The following AFDN variants were observed in gnomAD, a reference collection of about 807,000 sequenced individuals.
AFDN encodes afadin, adherens junction formation factor, also known as afadin.
A neutral mutation model predicts 216.6 loss-of-function variants in AFDN; 68 were observed. That is an observed-to-expected ratio of 0.31 (90% confidence interval 0.26 to 0.38). The LOEUF (loss-of-function observed/expected upper bound fraction) is 0.38. Among genes scored for constraint, AFDN ranks in the 10% least tolerant of loss-of-function variants. AFDN has a pLI of 1.00. For synonymous variants in AFDN, 868 were observed against 853.7 expected (o/e 1.02, Z -0.29); for missense variants, 2,136 against 2,342.0 (o/e 0.91, Z 1.82).
intron 7 of AFDN, among the ~76,000 whole-genome samples, chr6:167,890,587 G>GT (rs552472341): frequency 1.7e-4 from 25 of 147,394 alleles, no homozygotes; most frequent in African/African-American, 3.7e-4. Context: ...TTAACCTGGT[G>GT]TTTTTTTTTC....
intron 32 of AFDN, among the ~76,000 whole-genome samples, chr6:167,966,707 A>G (rs1797601397): frequency 6.6e-6 from 1 of 152,352 alleles, no homozygotes; most frequent in South Asian, 2.1e-4. Flanking sequence ...TAATGTTGGC[A>G]GAACTTTCTG....
rs1562619712 is a variant in AFDN, at chr6:167,891,408, G to GTGTGTGTGTGTGTGT, written c.1177+379_1177+380insTGTGTGTGTGTGTGT. Among the ~76,000 whole-genome samples, 534 of 72,048 alleles carry GTGTGTGTGTGTGTGT rather than the reference G, an allele frequency of 7.4e-3. 2 individuals are homozygous for GTGTGTGTGTGTGTGT. The highest frequency in any genetic ancestry group is 9.8e-3 in the Non-Finnish European group (334 of 34,060). 47.3% of individuals were successfully genotyped at this position (72,048 alleles called of 152,430 possible). A position where few individuals can be genotyped will look rare whatever the true frequency, so the allele number is the denominator to read the frequency against. On this transcript the variant is annotated intron_variant, in intron 8 of 33. Transcript: ENST00000683244. Reference sequence around the variant, plus strand: ...CTAGGGCAGATTTCATAAAGGGGTGGGTGTGTGTGTGTGTGTGTGTGTGTG... The same window carrying GTGTGTGTGTGTGTGT: ...CTAGGGCAGATTTCATAAAGGGGTGGTGTGTGTGTGTGTGTGTGTGTGTGTGTGTGTGTGTGTGTG...
At chr6:167,930,823 T>G (rs1257154454) in intron 23 of AFDN, among the ~76,000 whole-genome samples, 2 of 152,220 alleles carry the variant, frequency 1.3e-5, no homozygotes, top group Non-Finnish European at 2.9e-5. Flanking sequence ...GATTTTATTA[T>G]AGGTGAAATA....
At chr6:167,871,984 G>A (rs1450833785) in intron 3 of AFDN, among the ~76,000 whole-genome samples, 3 of 152,024 alleles carry the variant, frequency 2.0e-5, no homozygotes, top group Admixed American at 6.6e-5. Flanking sequence ...ATATAGATTC[G>A]GTGAGATGCA....
intron 2 of AFDN, among the ~76,000 whole-genome samples, chr6:167,867,789 A>G (rs1246503965): frequency 6.6e-6 from 1 of 152,164 alleles, no homozygotes; most frequent in Non-Finnish European, 1.5e-5. Flanking sequence ...TCCTTGTAGC[A>G]TATCCTGTAT....
chr6:167,896,459 C>T (rs577769594), intron 9 of AFDN, among the ~76,000 whole-genome samples: 2 of 152,296 alleles, frequency 1.3e-5, no homozygotes, highest in South Asian at 4.1e-4. Flanking sequence ...GTGCCCTCAA[C>T]CTGTATTGTG....
Position 167,952,377 on chromosome 6 carries a change from T to G in AFDN, c.4833+190T>G. On this transcript the variant is annotated intron_variant, in intron 30 of 33. Transcript: ENST00000683244. ...AATGAGTCAGGCCTATAAGGCTAAA[T>G]TTTTTAAGACATGCTTTGACAAGTA... 4.1e-6 allele frequency: 6 copies of G among 1,470,060 alleles called. No homozygotes were observed. The South Asian group carries it at 9.3e-5, about 23-fold the overall frequency. 91.1% of individuals were successfully genotyped at this position (1,470,060 alleles called of 1,614,324 possible).
intron 30 of AFDN, 37 bp downstream of exon 30, chr6:167,952,224 G>T (rs577031919): frequency 1.2e-6 from 2 of 1,613,710 alleles, no homozygotes; most frequent in Non-Finnish European, 1.7e-6. Context: ...CCCATCTGTG[G>T]TCCCTATTTT....
intron 13 of AFDN, among the ~76,000 whole-genome samples, chr6:167,908,423 GATA>G (rs936833241): frequency 6.6e-6 from 1 of 152,160 alleles, no homozygotes; most frequent in Non-Finnish European, 1.5e-5. Flanking sequence ...TATTACATGT[GATA>G]ATAAATAGTT....
At chr6:167,882,456 A>G (rs551425930) in intron 6 of AFDN, among the ~76,000 whole-genome samples, 5 of 149,948 alleles carry the variant, frequency 3.3e-5, no homozygotes, top group Non-Finnish European at 5.9e-5. Context: ...GCTGGTCAAC[A>G]TTGCGAAACC....
intron 31 of AFDN, chr6:167,965,015 T>C: frequency 9.6e-7 from 1 of 1,047,062 alleles, no homozygotes; most frequent in Non-Finnish European, 1.2e-6. Flanking sequence ...TATATTTGAA[T>C]ATCTTGTTGC....
chr6:167,963,219 C>T (rs1797210410), intron 31 of AFDN: 1 of 1,065,472 alleles, frequency 9.4e-7, no homozygotes, highest in Non-Finnish European at 1.1e-6. Context: ...ATGTTTCTCT[C>T]CATATCTCCC....
intron 1 of AFDN, among the ~76,000 whole-genome samples, chr6:167,845,639 G>A (rs920408605): frequency 3.9e-5 from 6 of 152,170 alleles, no homozygotes; most frequent in Non-Finnish European, 7.3e-5. Flanking sequence ...GCTTCCCAAA[G>A]TGCTGGGATT....
intron 15 of AFDN, chr6:167,911,975 A>G (rs1001676111): frequency 1.2e-5 from 2 of 170,996 alleles, no homozygotes; most frequent in Non-Finnish European, 2.5e-5. Context: ...GCCTTCTTAG[A>G]CTTTTTAAAA....
chr6:167,827,058 G>GC lies in AFDN; in HGVS notation c.-70dup. ...GGCGGGGGGTGGCGAGGGGCGCCGG[G>GC]CCCCCGCGGACCTGTCGTCCTCGGC... On this transcript the variant is annotated 5_prime_UTR_variant, in exon 1 of 34. Transcript: ENST00000683244. The GC allele has an allele frequency of 3.0e-6, 2 of 675,414 alleles. No homozygotes were observed. Among genetic ancestry groups the GC allele is most frequent in the South Asian group, 6.3e-5 (1 of 15,914 alleles). The allele number at this position is 675,414 out of a possible 1,614,324, so 41.8% of individuals were successfully genotyped here.
intron 23 of AFDN, among the ~76,000 whole-genome samples, chr6:167,936,485 T>G (rs954336124): frequency 2.0e-5 from 3 of 152,244 alleles, no homozygotes; most frequent in Non-Finnish European, 1.5e-5. Flanking sequence ...CTTAATAGAC[T>G]ACATAGATTG....
chr6:167,843,837 T>C (rs1781338819), intron 1 of AFDN, among the ~76,000 whole-genome samples: 1 of 152,212 alleles, frequency 6.6e-6, no homozygotes, highest in Non-Finnish European at 1.5e-5. Context: ...TCTGCTCATA[T>C]AATTAGAACC....
chr6:167,942,260 T>C (rs1235364961), intron 23 of AFDN, among the ~76,000 whole-genome samples: 1 of 152,222 alleles, frequency 6.6e-6, no homozygotes, highest in Non-Finnish European at 1.5e-5. Flanking sequence ...AACTAAGTCA[T>C]GTGTTGAATC....
At position 167,914,624 on chromosome 6, in the gene AFDN, A is replaced by C. The variant is rs1347619672; in HGVS notation, c.2205-20A>C. 5.9e-6 allele frequency: 9 copies of C among 1,533,748 alleles called. No homozygotes were observed. The highest frequency in any genetic ancestry group is 1.7e-5 in the Admixed American group (1 of 59,800). ...CTGTCTGTCATGCTAAGATTACTTA[A>C]ATTGTCTATGTATTTTCAGATACTT... On this transcript the variant is annotated intron_variant, in intron 17 of 33. Coordinates refer to ENST00000683244, the MANE Select transcript of AFDN (RefSeq NM_001386888.1).
Sources: gnomAD v4.1 joint callset for allele counts (sites outside exome capture counted in the v4.1 genomes callset) on GRCh38, gnomAD v4.1.1 for gene constraint, MANE v1.5 for transcripts, NCBI Gene and HGNC (gene_info 2026-07-23, HGNC 2026-07-21) for gene names.